Variants in GADL1 observed in about 807,000 individuals in gnomAD.
The protein encoded by GADL1 is GAD like acidic amino acid decarboxylase 1.
A neutral mutation model predicts 69.5 loss-of-function variants in GADL1; 71 were observed. The observed-to-expected ratio is 1.02, with a 90% confidence interval of 0.84 to 1.25. The LOEUF (loss-of-function observed/expected upper bound fraction) is 1.25, where lower values mean the gene tolerates loss of function less well. GADL1 is among the 50% of genes most tolerant of loss of function. The pLI is 0.00. For synonymous variants in GADL1, 254 were observed against 214.4 expected (o/e 1.18, Z -1.62); for missense variants, 737 against 631.8 (o/e 1.17, Z -1.79).
intron 13 of GADL1, among the ~76,000 whole-genome samples, chr3:30,784,301 T>C (rs941936152): frequency 1.3e-5 from 2 of 152,188 alleles, no homozygotes; most frequent in Non-Finnish European, 2.9e-5. Flanking sequence ...ATATGCCTTA[T>C]TTGGTTATGC....
chr3:30,744,522 G>A (rs1695671602), intron 14 of GADL1, among the ~76,000 whole-genome samples: 1 of 152,028 alleles, frequency 6.6e-6, no homozygotes, highest in African/African-American at 2.4e-5. Flanking sequence ...ACCAGCCTGG[G>A]CAACATTAAA....
intron 11 of GADL1, among the ~76,000 whole-genome samples, chr3:30,810,587 A>G (rs961994020): frequency 6.6e-6 from 1 of 152,082 alleles, no homozygotes; most frequent in Non-Finnish European, 1.5e-5. Context: ...CCCACTGTGT[A>G]TATTGCTTTA....
intron 14 of GADL1, among the ~76,000 whole-genome samples, chr3:30,740,046 A>G (rs1042198154): frequency 6.6e-6 from 1 of 152,126 alleles, no homozygotes; most frequent in African/African-American, 2.4e-5. Context: ...TCTTTCCTCT[A>G]AATCATGATG....
chr3:30,736,280 C>T (rs1344146712), intron 14 of GADL1, among the ~76,000 whole-genome samples: 9 of 152,078 alleles, frequency 5.9e-5, no homozygotes. Context: ...GACCAACAGA[C>T]TAGCTTAGAC....
At chr3:30,820,665 G>A (rs972456550) in intron 11 of GADL1, among the ~76,000 whole-genome samples, 2 of 151,894 alleles carry the variant, frequency 1.3e-5, no homozygotes, top group Non-Finnish European at 2.9e-5. Flanking sequence ...CTTGTAAATT[G>A]GAAACAACAG....
chr3:30,833,747 T>C (rs1325842689), intron 11 of GADL1, 106 bp downstream of exon 11: 2 of 729,036 alleles, frequency 2.7e-6, no homozygotes, highest in Non-Finnish European at 5.0e-6. Context: ...ACACCTTCAA[T>C]TTACGCCTCG....
At position 30,839,026 on chromosome 3, in the gene GADL1, C is replaced by T. The variant is rs115154257; in HGVS notation, c.874G>A (p.Glu292Lys). Residue 292 changes from glutamate to lysine, a missense_variant, in exon 9 of 15, where the codon GAG (glutamate) becomes AAG (lysine). Physicochemically the swap from Glu to Lys is moderately conservative, Grantham distance 56 (BLOSUM62 1). Coordinates refer to ENST00000282538, the MANE Select transcript of GADL1 (RefSeq NM_207359.3). ...ACATGAAGCCAGAGGCTGTGCCTCT[C>T]GCAGATGTCTGCTATTTCATCCAGA... ...DPLDEIADIC[E>K]RHSLWLHVDA... is the part of the protein sequence containing the mutation. 7.9e-4 allele frequency: 1,264 copies of T among 1,601,002 alleles called. 9 individuals are homozygous for T. The African/African-American group carries it at 0.011, about 14-fold the overall frequency.
chr3:30,765,447 TG>T (rs1484846324), intron 14 of GADL1, among the ~76,000 whole-genome samples: 1 of 143,378 alleles, frequency 7.0e-6, no homozygotes, highest in Non-Finnish European at 1.5e-5. Context: ...TGCCTTATTT[TG>T]CTGAATGAAT....
intron 12 of GADL1, chr3:30,798,061 A>G (rs1271271777): frequency 6.6e-6 from 1 of 152,188 alleles, no homozygotes; most frequent in East Asian, 1.9e-4. Context: ...TGTTTACTAC[A>G]AGGCAAGTAA....
At chr3:30,836,150 G>C (rs895503421) in intron 9 of GADL1, among the ~76,000 whole-genome samples, 3 of 151,948 alleles carry the variant, frequency 2.0e-5, no homozygotes, top group African/African-American at 7.3e-5. Flanking sequence ...GGATTAATTA[G>C]TCCAGTCAGC....
At chr3:30,819,242 C>T (rs1014638957) in intron 11 of GADL1, among the ~76,000 whole-genome samples, 7 of 151,912 alleles carry the variant, frequency 4.6e-5, no homozygotes, top group Non-Finnish European at 8.8e-5. Context: ...TTCAGAGAGT[C>T]CTCTTCCCTC....
chr3:30,821,408 TC>T (rs879858467), intron 11 of GADL1, among the ~76,000 whole-genome samples: 1 of 152,054 alleles, frequency 6.6e-6, no homozygotes, highest in Admixed American at 6.6e-5. Flanking sequence ...CTTTTTTTTC[TC>T]TTTTTTTATA....
At chr3:30,814,747 AAAG>A (rs1019696624) in intron 11 of GADL1, among the ~76,000 whole-genome samples, 67 of 152,234 alleles carry the variant, frequency 4.4e-4, no homozygotes, top group African/African-American at 1.6e-3. Flanking sequence ...TGATTAAAAA[AAAG>A]AATAAGAGTT....
chr3:30,759,054 CATA>C (rs917742683), intron 14 of GADL1, among the ~76,000 whole-genome samples: 3 of 144,204 alleles, frequency 2.1e-5, no homozygotes, highest in Admixed American at 7.2e-5. Flanking sequence ...GGAGAAGAGT[CATA>C]ATGATTAAAA....
chr3:30,813,901 A>G (rs1303833673), intron 11 of GADL1, among the ~76,000 whole-genome samples: 1 of 152,208 alleles, frequency 6.6e-6, no homozygotes, highest in Non-Finnish European at 1.5e-5. Context: ...TTTTTCAAGG[A>G]CTTATGATAA....
intron 11 of GADL1, among the ~76,000 whole-genome samples, chr3:30,826,307 T>C (rs1337494319): frequency 6.6e-6 from 1 of 151,888 alleles, no homozygotes; most frequent in Non-Finnish European, 1.5e-5. Flanking sequence ...CATATTTTTC[T>C]TTCTGGTTAT....
intron 9 of GADL1, among the ~76,000 whole-genome samples, chr3:30,835,064 G>T (rs1167660543): frequency 6.6e-6 from 1 of 152,104 alleles, no homozygotes; most frequent in Non-Finnish European, 1.5e-5. Context: ...TTTCCAAGTT[G>T]ATTTAAACCT....
chr3:30,814,184 T>C (rs1202761304), intron 11 of GADL1, among the ~76,000 whole-genome samples: 2 of 152,326 alleles, frequency 1.3e-5, no homozygotes. Context: ...AAAGGTTAAA[T>C]GACTTGTCAA....
chr3:30,750,503 AAAC>A (rs1695791809), intron 14 of GADL1, among the ~76,000 whole-genome samples: 1 of 152,212 alleles, frequency 6.6e-6, no homozygotes, highest in Admixed American at 6.5e-5. Context: ...CGAGATGCCC[AAAC>A]AACATTGCAA....
Sources: gnomAD v4.1 joint callset for allele counts (sites outside exome capture counted in the v4.1 genomes callset) on GRCh38, gnomAD v4.1.1 for gene constraint, MANE v1.5 for transcripts, NCBI Gene and HGNC (gene_info 2026-07-23, HGNC 2026-07-21) for gene names.